The following IL20RB variants were observed in gnomAD, a reference collection of about 807,000 sequenced individuals.
IL20RB encodes the protein interleukin 20 receptor subunit beta.
Under a neutral mutation model 33.3 loss-of-function variants are expected in IL20RB, and 21 were observed. The observed-to-expected ratio is 0.63, with a 90% CI of 0.45 to 0.91. The LOEUF (loss-of-function observed/expected upper bound fraction) is 0.91. Among genes scored for constraint, IL20RB ranks in the 40% least tolerant of loss-of-function variants. The probability of loss-of-function intolerance (pLI) is 0.00; values close to 1 mark genes in which losing one functional copy is unlikely to be tolerated. For synonymous variants in IL20RB, 147 were observed against 146.8 expected, an observed-to-expected ratio of 1.00 and a Z score of -0.01; for missense variants, 345 against 384.8, an observed-to-expected ratio of 0.90 and a Z score of 0.86.
At chr3:136,980,682 T>C (rs1941749362) in intron 2 of IL20RB, 90 bp downstream of exon 2, 53 of 1,385,224 alleles carry the variant, frequency 3.8e-5, no homozygotes, top group Non-Finnish European at 5.0e-5. Flanking sequence ...AGGTGGCTTT[T>C]TGAGTCCAGG....
At position 136,989,448 on chromosome 3, in the gene IL20RB, TACCCG is replaced by T; in HGVS notation, c.418_422del (p.Arg140TrpfsTer14). On this transcript the variant is annotated frameshift_variant, in exon 4 of 7. Transcript: ENST00000329582. LOFTEE classifies it high-confidence loss of function. The stretch of plus-strand genomic sequence containing the variant: ...CTGTTGTCTTGCCAACAGCCATCCT[TACCCG>T]ACCTGGGATGGAGATCACCAAAGAT... 1 of 1,613,618 alleles carries T rather than the reference TACCCG, an allele frequency of 6.2e-7. No homozygotes were observed. The highest frequency in any genetic ancestry group is 8.5e-7 in the Non-Finnish European group (1 of 1,179,666).
At chr3:136,980,645 A>T in intron 2 of IL20RB, 53 bp downstream of exon 2, 1 of 1,607,208 alleles carries the variant, frequency 6.2e-7, no homozygotes, top group Non-Finnish European at 8.5e-7. Flanking sequence ...TTGGTTCCTG[A>T]AGGCATAGCC....
At chr3:136,983,929 T>A (rs941545181) in intron 3 of IL20RB, among the ~76,000 whole-genome samples, 2 of 152,152 alleles carry the variant, frequency 1.3e-5, no homozygotes, top group Non-Finnish European at 1.5e-5. Context: ...CTTGCCCTCC[T>A]GGGCTCAAGC....
At chr3:136,958,740 T>C (rs1359364322) in intron 1 of IL20RB, among the ~76,000 whole-genome samples, 1 of 152,200 alleles carries the variant, frequency 6.6e-6, no homozygotes, top group Non-Finnish European at 1.5e-5. Flanking sequence ...GATTACATAG[T>C]TTTCTCTGCT....
chr3:137,003,941 T>C (rs1195929636), intron 6 of IL20RB, among the ~76,000 whole-genome samples: 3 of 152,218 alleles, frequency 2.0e-5, no homozygotes, highest in Admixed American at 6.5e-5. Context: ...GTTCCATCAG[T>C]ACCTAGTTTA....
At chr3:137,009,948 T>G (rs989271536) in intron 6 of IL20RB, among the ~76,000 whole-genome samples, 165 bp from the exon 7 acceptor site, 19 of 152,140 alleles carry the variant, frequency 1.2e-4, no homozygotes, top group Non-Finnish European at 2.8e-4. Flanking sequence ...GGAGATATTC[T>G]TAGCAAATGT....
intron 1 of IL20RB, among the ~76,000 whole-genome samples, chr3:136,972,162 T>G (rs1427898404): frequency 6.6e-6 from 1 of 152,266 alleles, no homozygotes; most frequent in East Asian, 1.9e-4. Context: ...ACTTATGTCC[T>G]TAGCCCACTT....
intron 6 of IL20RB, among the ~76,000 whole-genome samples, chr3:137,006,531 C>G (rs990302867): frequency 2.6e-5 from 4 of 152,054 alleles, no homozygotes; most frequent in African/African-American, 9.7e-5. Flanking sequence ...TCTTCAGTGA[C>G]TGATATCCTT....
intron 1 of IL20RB, among the ~76,000 whole-genome samples, chr3:136,970,052 G>T (rs182014163): frequency 6.6e-6 from 1 of 150,794 alleles, no homozygotes; most frequent in African/African-American, 2.4e-5. Flanking sequence ...ATATCCAATT[G>T]TTCCAGTATT....
intron 6 of IL20RB, among the ~76,000 whole-genome samples, chr3:137,009,541 T>A (rs1422997349): frequency 6.6e-6 from 1 of 151,988 alleles, no homozygotes; most frequent in East Asian, 1.9e-4. Flanking sequence ...AGGGTTTTGT[T>A]GTTGTTGTTG....
chr3:136,993,961 C>T (rs1389317714), intron 5 of IL20RB, among the ~76,000 whole-genome samples: 6 of 150,574 alleles, frequency 4.0e-5, no homozygotes, highest in Admixed American at 1.3e-4. Context: ...TGCAGTGAGC[C>T]GAGATTGCGC....
At chr3:136,976,093 C>A (rs1273312895) in intron 1 of IL20RB, among the ~76,000 whole-genome samples, 2 of 152,166 alleles carry the variant, frequency 1.3e-5, no homozygotes, top group Non-Finnish European at 2.9e-5. Context: ...AAGTAGGTGC[C>A]AGTTGAGGTG....
intron 4 of IL20RB, among the ~76,000 whole-genome samples, chr3:136,990,508 C>T (rs922088975): frequency 2.0e-5 from 3 of 152,138 alleles, no homozygotes; most frequent in African/African-American, 4.8e-5. Flanking sequence ...CCCAGCCTCT[C>T]GAGGCCTCTC....
At chr3:136,979,404 A>G (rs950189845) in intron 1 of IL20RB, among the ~76,000 whole-genome samples, 1 of 152,222 alleles carries the variant, frequency 6.6e-6, no homozygotes. Context: ...GTCCCAAATG[A>G]GGACTCCAGC....
intron 1 of IL20RB, among the ~76,000 whole-genome samples, chr3:136,979,862 AG>A: frequency 6.6e-6 from 1 of 152,368 alleles, no homozygotes; most frequent in African/African-American, 2.4e-5. Flanking sequence ...TGAGGATGGC[AG>A]TAGCAGGAGA....
chr3:137,001,639 G>A lies in IL20RB; in HGVS notation c.825+6083G>A, dbSNP rs79146252. On this transcript the variant is annotated intron_variant, in intron 6 of 6. Transcript: ENST00000329582. ...ACAATTCTTCAAAAGGGTCTACTGA[G>A]TTTGTGTTTAATTTATCTGTATGGA... Among the ~76,000 whole-genome samples the A allele has an allele frequency of 9.2e-3, 1,394 of 152,270 alleles. 7 individuals carry two copies. The highest frequency in any genetic ancestry group is 0.015 in the Non-Finnish European group (996 of 68,006).
At position 136,991,920 on chromosome 3, in the gene IL20RB, T is replaced by C; in HGVS notation, c.532-18T>C. 1 of 1,611,668 alleles carries C rather than the reference T, an allele frequency of 6.2e-7. No individual in the cohort carries two copies. The highest frequency in any genetic ancestry group is 8.5e-7 in the Non-Finnish European group (1 of 1,178,198). On this transcript the variant is annotated intron_variant, in intron 4 of 6. Transcript: ENST00000329582. The stretch of plus-strand genomic sequence containing the variant: ...CCACCGCACTTGGCCAATAACTGTG[T>C]TTTCTGGTCTGTCAAAGGAACATGT...
chr3:136,962,866 CA>C (rs34403415), intron 1 of IL20RB, among the ~76,000 whole-genome samples: 13,578 of 113,124 alleles, frequency 0.12, 532 homozygotes, highest in South Asian at 0.21. Context: ...GGATTTTGGC[CA>C]AAAAAAAAAA....
intron 3 of IL20RB, among the ~76,000 whole-genome samples, chr3:136,987,908 C>T (rs1941949466): frequency 6.6e-6 from 1 of 152,212 alleles, no homozygotes; most frequent in Admixed American, 6.5e-5. Context: ...CCCACGCCCA[C>T]CCGGAACTCC....
Sources: allele counts gnomAD v4.1 joint callset (sites outside exome capture counted in the v4.1 genomes callset), GRCh38; gene constraint gnomAD v4.1.1; transcripts MANE v1.5; gene names NCBI Gene and HGNC (gene_info 2026-07-23, HGNC 2026-07-21).